The following SLTM variants were observed in gnomAD, a reference collection of about 807,000 sequenced individuals.
SLTM encodes the protein SAFB like transcription modulator, also known as SAFB-like transcription modulator.
In SLTM, 43 loss-of-function variants were observed where a neutral mutation model predicts 134.6. The ratio of observed to expected loss-of-function variants is 0.32; its 90% CI spans 0.25 to 0.41. The LOEUF (loss-of-function observed/expected upper bound fraction) is 0.41. Among genes scored for constraint, SLTM ranks in the 10% least tolerant of loss-of-function variants. The probability of loss-of-function intolerance (pLI) is 1.00; values close to 1 mark genes in which losing one functional copy is unlikely to be tolerated. For synonymous variants in SLTM, 424 were observed against 432.3 expected (o/e 0.98, Z 0.24); for missense variants, 1,055 against 1,288.8 (o/e 0.82, Z 2.78).
At chr15:58,921,872 T>G (rs1344090197) in intron 2 of SLTM, among the ~76,000 whole-genome samples, 1 of 151,994 alleles carries the variant, frequency 6.6e-6, no homozygotes, top group East Asian at 1.9e-4. Flanking sequence ...GCCTCCCAGG[T>G]TCAAGCGATT....
intron 3 of SLTM, among the ~76,000 whole-genome samples, chr15:58,914,964 C>G (rs1247132963): frequency 1.3e-5 from 2 of 152,106 alleles, no homozygotes; most frequent in Non-Finnish European, 2.9e-5. Flanking sequence ...AGGAGGCCGA[C>G]GGGTGGATCA....
At chr15:58,884,350 C>T (rs866133153) in intron 19 of SLTM, among the ~76,000 whole-genome samples, 2 of 152,050 alleles carry the variant, frequency 1.3e-5, no homozygotes, top group Non-Finnish European at 2.9e-5. Context: ...GACAGAGTCT[C>T]GCTCTGTTGC....
At chr15:58,922,558 T>TATTATATAC (rs1467085480) in intron 2 of SLTM, among the ~76,000 whole-genome samples, 4 of 6,056 alleles carry the variant, frequency 6.6e-4, no homozygotes, top group African/African-American at 4.1e-3. Context: ...GTATATAATA[T>TATTATATAC]GTATATAATA....
At chr15:58,932,786 G>A (rs1026225093) in intron 1 of SLTM, among the ~76,000 whole-genome samples, 1 of 152,230 alleles carries the variant, frequency 6.6e-6, no homozygotes, top group Non-Finnish European at 1.5e-5. Context: ...CCTAGTTTCT[G>A]TAATGCAAAC....
chr15:58,899,533 C>G lies in SLTM; in HGVS notation c.994G>C (p.Asp332His), dbSNP rs1352911363. 6.2e-7 allele frequency: 1 copy of G among 1,614,114 alleles called. No individual in the cohort carries two copies. The highest frequency in any genetic ancestry group is 8.5e-7 in the Non-Finnish European group (1 of 1,179,964). The change falls in exon 7 of 21, where the codon GAC (aspartate) becomes CAC (histidine). Residue 332 changes from aspartate (D) to histidine (H), a missense_variant. Asp to His is a moderately conservative substitution (Grantham distance 81). Coordinates refer to ENST00000380516, the MANE Select transcript of SLTM (RefSeq NM_024755.4). This position sits in a 1 kb window ranked among gnomAD's most constrained non-coding sequence, Gnocchi z 5.0. ...RESSKKAESG[D>H]KEKDTLKKGP... ...TTCTTCAAAGTATCCTTTTCTTTGT[C>G]TCCAGATTCTGCTTTCTTAGAACTT...
chr15:58,892,724 T>G (rs1174648272), intron 14 of SLTM, among the ~76,000 whole-genome samples, 173 bp downstream of exon 14: 1 of 152,200 alleles, frequency 6.6e-6, no homozygotes, highest in African/African-American at 2.4e-5. Context: ...GAAAAGCACT[T>G]TGTAAATTGT....
chr15:58,905,908 T>C (rs996629896), intron 5 of SLTM, among the ~76,000 whole-genome samples: 4 of 152,230 alleles, frequency 2.6e-5, no homozygotes, highest in Non-Finnish European at 5.9e-5. Flanking sequence ...AGGCAAACTT[T>C]ATGACATACA....
At chr15:58,900,975 A>G (rs1197701650) in intron 6 of SLTM, 1 of 313,740 alleles carries the variant, frequency 3.2e-6, no homozygotes, top group Non-Finnish European at 5.9e-6. Context: ...CTTACCGTAT[A>G]CCAGAAGTTA....
intron 20 of SLTM, among the ~76,000 whole-genome samples, chr15:58,880,674 C>T (rs1399978080): frequency 1.3e-5 from 2 of 152,238 alleles, no homozygotes; most frequent in East Asian, 3.9e-4. Context: ...GATTCTCCCA[C>T]TTCAGCCAGC....
chr15:58,916,891 T>C, intron 3 of SLTM, 44 bp downstream of exon 3: 2 of 1,552,194 alleles, frequency 1.3e-6, no homozygotes, highest in East Asian at 2.3e-5. Context: ...TGCAAAATAC[T>C]AGGCTTAAAA....
chr15:58,915,037 G>A (rs1238152616), intron 3 of SLTM, among the ~76,000 whole-genome samples: 2 of 151,888 alleles, frequency 1.3e-5, no homozygotes, highest in African/African-American at 2.4e-5. Flanking sequence ...ACTAAAATAC[G>A]AAAATTAGCC....
chr15:58,912,807 G>C (rs1216515934), intron 4 of SLTM, 197 bp from the exon 5 acceptor site: 1 of 513,528 alleles, frequency 1.9e-6, no homozygotes, highest in African/African-American at 1.9e-5. Flanking sequence ...TAGAGAATTA[G>C]AAATATTTCT....
intron 2 of SLTM, among the ~76,000 whole-genome samples, chr15:58,929,204 A>C (rs1187821532): frequency 1.3e-5 from 2 of 152,222 alleles, no homozygotes; most frequent in African/African-American, 4.8e-5. Context: ...GCGGTGGCTC[A>C]CTTTGGGAGG....
Position 58,913,750 on chromosome 15 carries a change from C to T in SLTM, c.316-54G>A. ...CTAGAGGCAAAGTAGTGTGGGCTAT[C>T]CACCAAACGTTTTTGGTAATTTACA... On this transcript the variant is annotated intron_variant, in intron 3 of 20. Coordinates refer to ENST00000380516, the MANE Select transcript of SLTM (RefSeq NM_024755.4). 4.9e-6 allele frequency: 7 copies of T among 1,419,774 alleles called. No individual in the cohort carries two copies. The South Asian group carries it at 8.6e-5, about 17-fold the overall frequency. 87.9% of individuals were successfully genotyped at this position (1,419,774 alleles called of 1,614,324 possible). A position where few individuals can be genotyped will look rare whatever the true frequency, so the allele number is the denominator to read the frequency against.
chr15:58,891,154 A>G (rs1280727952), intron 14 of SLTM, among the ~76,000 whole-genome samples: 7 of 152,178 alleles, frequency 4.6e-5, no homozygotes, highest in East Asian at 1.9e-4. Flanking sequence ...GTGGTTCTCA[A>G]TGGGTCAGTA....
intron 2 of SLTM, among the ~76,000 whole-genome samples, chr15:58,927,514 G>A (rs929098839): frequency 1.3e-5 from 2 of 152,208 alleles, no homozygotes; most frequent in Admixed American, 6.5e-5. Context: ...CAGGTGATCC[G>A]CCCACCTCAG....
intron 5 of SLTM, among the ~76,000 whole-genome samples, chr15:58,905,587 T>C (rs935489857): frequency 6.6e-6 from 1 of 152,114 alleles, no homozygotes; most frequent in Non-Finnish European, 1.5e-5. Context: ...TAAAAAAGAA[T>C]GCAGTTTGAC....
intron 3 of SLTM, among the ~76,000 whole-genome samples, chr15:58,914,230 G>A (rs545848436): frequency 6.6e-6 from 1 of 152,340 alleles, no homozygotes; most frequent in Non-Finnish European, 1.5e-5. Flanking sequence ...GTTGGGATTG[G>A]ATCTGTTTGT....
At chr15:58,921,851 C>T (rs1348021935) in intron 2 of SLTM, among the ~76,000 whole-genome samples, 2 of 152,088 alleles carry the variant, frequency 1.3e-5, no homozygotes, top group African/African-American at 4.8e-5. Flanking sequence ...TCTCAACTCA[C>T]TGCAACCTCC....
Sources: gnomAD v4.1 joint callset for allele counts (sites outside exome capture counted in the v4.1 genomes callset) on GRCh38, gnomAD v4.1.1 for gene constraint, Gnocchi (gnomAD v3.1) non-coding constraint, MANE v1.5 for transcripts, NCBI Gene and HGNC (gene_info 2026-07-23, HGNC 2026-07-21) for gene names.